Variants in PHACTR1 observed in about 807,000 individuals in gnomAD.
PHACTR1 encodes the protein RPEL repeat containing 1.
Under a neutral mutation model 69.2 loss-of-function variants are expected in PHACTR1, and 16 were observed. That is an observed-to-expected ratio of 0.23 (90% CI 0.16 to 0.35). The LOEUF (loss-of-function observed/expected upper bound fraction) is 0.35, where lower values mean the gene tolerates loss of function less well. Among genes scored for constraint, PHACTR1 ranks in the 10% least tolerant of loss-of-function variants. The probability of loss-of-function intolerance (pLI) is 1.00; values close to 1 mark genes in which losing one functional copy is unlikely to be tolerated. For synonymous variants in PHACTR1, 312 were observed against 284.5 expected (o/e 1.10, Z -0.97); for missense variants, 510 against 734.7 (o/e 0.69, Z 3.54).
intron 4 of PHACTR1, among the ~76,000 whole-genome samples, chr6:13,040,742 T>C (rs1804010888): frequency 6.6e-6 from 1 of 152,240 alleles, no homozygotes; most frequent in Non-Finnish European, 1.5e-5. Context: ...AGGAAATCTT[T>C]AATGAGCACC....
Position 13,258,228 on chromosome 6 carries a change from C to T in PHACTR1, c.1392-14632C>T, listed in dbSNP as rs1437572409. ...CAAAAATTAGCTGGGCATGGTGGCG[C>T]GTGCCTGTAATTCCAGCTTCTAGGG... On this transcript the variant is annotated intron_variant, in intron 10 of 14. Coordinates refer to ENST00000332995, the MANE Select transcript of PHACTR1 (RefSeq NM_030948.6). Among the ~76,000 whole-genome samples, 8 of 151,818 alleles carry T rather than the reference C, an allele frequency of 5.3e-5. No homozygotes were observed. The South Asian group carries it at 6.3e-4, about 12-fold the overall frequency.
chr6:13,274,277 G>T (rs1286654998), intron 11 of PHACTR1: 1 of 152,184 alleles, frequency 6.6e-6, no homozygotes, highest in Non-Finnish European at 1.5e-5. Context: ...GCTTTGCCTA[G>T]GTCTCTAGGA....
intron 4 of PHACTR1, among the ~76,000 whole-genome samples, chr6:13,042,087 T>G (rs1319996705): frequency 1.3e-5 from 2 of 152,232 alleles, no homozygotes; most frequent in African/African-American, 4.8e-5. Context: ...GTTTAAAAGG[T>G]TTATTGTAGA....
chr6:12,752,016 A>G (rs1766683576), intron 4 of PHACTR1, among the ~76,000 whole-genome samples: 1 of 152,174 alleles, frequency 6.6e-6, no homozygotes, highest in Non-Finnish European at 1.5e-5. Context: ...CAGGCTACCA[A>G]AAACTTTTTC....
chr6:13,035,425 T>C (rs181934761), intron 4 of PHACTR1, among the ~76,000 whole-genome samples: 1 of 72,254 alleles, frequency 1.4e-5, no homozygotes, highest in Admixed American at 1.5e-4. Flanking sequence ...AAGTTCTATA[T>C]GATTTTTTTT....
chr6:13,093,199 A>G (rs1813567339), intron 5 of PHACTR1, among the ~76,000 whole-genome samples: 1 of 152,258 alleles, frequency 6.6e-6, no homozygotes, highest in Admixed American at 6.5e-5. Flanking sequence ...TTTATGAACT[A>G]TAGGCAAGAT....
At chr6:12,957,102 T>TGGGGGGGGGG (rs1582689554) in intron 4 of PHACTR1, among the ~76,000 whole-genome samples, 2 of 75,620 alleles carry the variant, frequency 2.6e-5, no homozygotes, top group African/African-American at 1.0e-4. Flanking sequence ...TGCTGGGGGG[T>TGGGGGGGGGG]GGGGGAAAGG....
chr6:12,793,255 C>T (rs1023471892), intron 4 of PHACTR1, among the ~76,000 whole-genome samples: 1 of 152,124 alleles, frequency 6.6e-6, no homozygotes, highest in Non-Finnish European at 1.5e-5. Flanking sequence ...CCGCTAGTAG[C>T]GATTCTTGAG....
At position 12,909,501 on chromosome 6, in the gene PHACTR1, A is replaced by C. The variant is rs935072679; in HGVS notation, c.251-143864A>C. On this transcript the variant is annotated intron_variant, in intron 4 of 14. Transcript: ENST00000332995. Reference sequence around the variant, plus strand: ...ATTTTTGTAATTACACTAATTGAACATGGATGTGAATTTAAAAATATGAAG... The same window carrying C: ...ATTTTTGTAATTACACTAATTGAACCTGGATGTGAATTTAAAAATATGAAG... Among the ~76,000 whole-genome samples the C allele has an allele frequency of 2.0e-5, 3 of 152,370 alleles. No homozygotes were observed. The East Asian group carries it at 5.8e-4, about 29-fold the overall frequency.
chr6:12,955,520 GT>G (rs1379011684), intron 4 of PHACTR1, among the ~76,000 whole-genome samples: 1 of 152,012 alleles, frequency 6.6e-6, no homozygotes, highest in African/African-American at 2.4e-5. Flanking sequence ...AACAGTGCTG[GT>G]CTAAGAAATT....
intron 4 of PHACTR1, among the ~76,000 whole-genome samples, chr6:13,036,736 GC>G (rs1341580157): frequency 6.6e-6 from 1 of 152,170 alleles, no homozygotes; most frequent in Non-Finnish European, 1.5e-5. Context: ...GGAGGTAGAT[GC>G]TGTCTCTTAT....
At chr6:13,196,439 G>A in intron 7 of PHACTR1, 1 of 91,328 alleles carries the variant, frequency 1.1e-5, no homozygotes, top group Non-Finnish European at 2.6e-5. Flanking sequence ...TTTGTTTTTT[G>A]AGACAGAGTC....
intron 6 of PHACTR1, among the ~76,000 whole-genome samples, chr6:13,168,351 C>G (rs144704102): frequency 2.0e-3 from 312 of 152,340 alleles, no homozygotes; most frequent in Non-Finnish European, 3.8e-3. Flanking sequence ...TAACAATTCT[C>G]TTAAGCAACA....
chr6:12,785,919 T>C (rs1771489673), intron 4 of PHACTR1, among the ~76,000 whole-genome samples: 1 of 152,186 alleles, frequency 6.6e-6, no homozygotes, highest in Non-Finnish European at 1.5e-5. Flanking sequence ...ATTCTGACTT[T>C]CCTCAAGGGA....
intron 4 of PHACTR1, among the ~76,000 whole-genome samples, chr6:12,875,802 T>C (rs1231206732): frequency 6.6e-6 from 1 of 152,196 alleles, no homozygotes; most frequent in African/African-American, 2.4e-5. Context: ...TGAGAGGGAC[T>C]GCAGAAACTA....
chr6:12,958,026 G>A, intron 4 of PHACTR1: 3 of 985,404 alleles, frequency 3.0e-6, no homozygotes, highest in Non-Finnish European at 3.6e-6. Context: ...AGAGCTTTGG[G>A]CAGCCTTTAA....
chr6:12,835,725 G>C (rs1021081885), intron 4 of PHACTR1, among the ~76,000 whole-genome samples: 1 of 152,048 alleles, frequency 6.6e-6, no homozygotes, highest in African/African-American at 2.4e-5. Flanking sequence ...CACCCTTTAA[G>C]GTAGATAGGA....
chr6:13,239,890 A>G (rs1772570004), intron 10 of PHACTR1, among the ~76,000 whole-genome samples: 3 of 152,240 alleles, frequency 2.0e-5, no homozygotes, highest in Non-Finnish European at 4.4e-5. Context: ...GAGCAGAGCC[A>G]CATCTTGGAG....
intron 4 of PHACTR1, among the ~76,000 whole-genome samples, chr6:12,811,047 T>C (rs2127695289): frequency 6.6e-6 from 1 of 152,244 alleles, no homozygotes; most frequent in African/African-American, 2.4e-5. Flanking sequence ...CTCTGAGGAC[T>C]TCTTCCATAG....
Sources: gnomAD v4.1 joint callset for allele counts (sites outside exome capture counted in the v4.1 genomes callset) on GRCh38, gnomAD v4.1.1 for gene constraint, MANE v1.5 for transcripts, NCBI Gene and HGNC (gene_info 2026-07-23, HGNC 2026-07-21) for gene names.